The following TENM3 variants were observed in gnomAD, a reference collection of about 807,000 sequenced individuals.
The protein encoded by TENM3 is teneurin-3.
A neutral mutation model predicts 255.1 loss-of-function variants in TENM3; 63 were observed. The ratio of observed to expected loss-of-function variants is 0.25; its 90% CI spans 0.20 to 0.30. TENM3 has a LOEUF of 0.30. TENM3 is among the 10% of genes least tolerant of loss of function. The pLI, the probability that TENM3 is intolerant of heterozygous loss-of-function variation, is 1.00. For synonymous variants in TENM3, 1,306 were observed against 1,322.3 expected, an observed-to-expected ratio of 0.99 and a Z score of 0.27; for missense variants, 2,929 against 3,461.1, an observed-to-expected ratio of 0.85 and a Z score of 3.86.
intron 1 of TENM3, among the ~76,000 whole-genome samples, chr4:182,265,606 G>A (rs1192213780): frequency 6.6e-6 from 1 of 152,114 alleles, no homozygotes; most frequent in African/African-American, 2.4e-5. Context: ...AATGCATGCT[G>A]GCCCTGTTCC....
At chr4:182,580,405 T>C (rs1297636893) in intron 3 of TENM3, among the ~76,000 whole-genome samples, 1 of 152,148 alleles carries the variant, frequency 6.6e-6, no homozygotes, top group Non-Finnish European at 1.5e-5. Flanking sequence ...AAAAAATACC[T>C]CTTCATCGCT....
chr4:181,524,639 T>C, the TENM3 span, among the ~76,000 whole-genome samples: 2 of 152,216 alleles, frequency 1.3e-5, no homozygotes, highest in South Asian at 2.1e-4. Context: ...TCTTTGGAGA[T>C]ATAATCATCA....
At chr4:182,053,042 C>T in the TENM3 span, among the ~76,000 whole-genome samples, 1 of 152,124 alleles carries the variant, frequency 6.6e-6, no homozygotes, top group Admixed American at 6.5e-5. Context: ...TGGACCGAAA[C>T]TTCTGGTTTC....
At chr4:181,986,262 C>T in the TENM3 span, among the ~76,000 whole-genome samples, 1 of 151,984 alleles carries the variant, frequency 6.6e-6, no homozygotes, top group Non-Finnish European at 1.5e-5. Context: ...CATTTCTCCT[C>T]CTTCCTTTTT....
chr4:181,889,774 A>G, the TENM3 span, among the ~76,000 whole-genome samples: 1 of 152,182 alleles, frequency 6.6e-6, no homozygotes, highest in Admixed American at 6.5e-5. Context: ...AACATCCTCT[A>G]CTGCTGACGG....
chr4:181,987,133 C>T, the TENM3 span, among the ~76,000 whole-genome samples: 1 of 152,170 alleles, frequency 6.6e-6, no homozygotes, highest in East Asian at 1.9e-4. Flanking sequence ...CCTGTTTTAT[C>T]CCTGATCCCA....
the TENM3 span, among the ~76,000 whole-genome samples, chr4:181,847,504 C>A: frequency 4.6e-5 from 7 of 151,932 alleles, no homozygotes; most frequent in South Asian, 1.2e-3. Flanking sequence ...CCCTTAACAA[C>A]GAAAATTGTT....
At chr4:181,983,701 C>G in the TENM3 span, among the ~76,000 whole-genome samples, 1 of 152,104 alleles carries the variant, frequency 6.6e-6, no homozygotes, top group African/African-American at 2.4e-5. Context: ...ATGCAATCTA[C>G]TTCCATTTAT....
chr4:182,138,558 T>C, the TENM3 span, among the ~76,000 whole-genome samples: 1 of 152,114 alleles, frequency 6.6e-6, no homozygotes, highest in South Asian at 2.1e-4. Context: ...GTTTCCCCAA[T>C]ACCAGCTGAA....
intron 23 of TENM3, 46 bp downstream of exon 23, chr4:182,773,693 A>G (rs1764452257): frequency 1.3e-6 from 2 of 1,558,852 alleles, no homozygotes; most frequent in Non-Finnish European, 1.7e-6. Flanking sequence ...CAGCACCCAG[A>G]CAGAATGCGG....
chr4:182,208,731 A>G (rs566866943), intron 1 of TENM3, among the ~76,000 whole-genome samples: 2 of 152,196 alleles, frequency 1.3e-5, no homozygotes, highest in Non-Finnish European at 2.9e-5. Context: ...CTTTGCTCAA[A>G]GTGTGTTCTT....
rs141022861 is a variant in TENM3 at position 182,411,716 on chromosome 4, G to A, written c.511+64787G>A. Among the ~76,000 whole-genome samples the A allele has an allele frequency of 6.2e-4, 95 of 152,268 alleles. 2 individuals are homozygous for A. The East Asian group carries it at 0.016, about 26-fold the overall frequency. ...CACTCTGCAAGAGGAGATATTTTCCGTACTATGCGTTATTTTGACAGGTTG... is the reference window on the plus strand; with the variant it reads ...CACTCTGCAAGAGGAGATATTTTCCATACTATGCGTTATTTTGACAGGTTG... On this transcript the variant is annotated intron_variant, in intron 3 of 27. Transcript: ENST00000511685.
At chr4:182,171,390 T>C (rs2149695030) in intron 1 of TENM3, among the ~76,000 whole-genome samples, 1 of 152,336 alleles carries the variant, frequency 6.6e-6, no homozygotes, top group African/African-American at 2.4e-5. Flanking sequence ...TTTCTGTTTT[T>C]TTCTTGTATG....
At chr4:181,889,202 T>C in the TENM3 span, among the ~76,000 whole-genome samples, 2 of 152,082 alleles carry the variant, frequency 1.3e-5, no homozygotes, top group Admixed American at 1.3e-4. Flanking sequence ...ACAGGGCGGA[T>C]CCCTCATGAG....
the TENM3 span, among the ~76,000 whole-genome samples, chr4:181,822,749 C>G: frequency 2.6e-5 from 4 of 152,072 alleles, no homozygotes; most frequent in Admixed American, 2.6e-4. Context: ...AATGAATTTC[C>G]AAATATAAGG....
intron 3 of TENM3, among the ~76,000 whole-genome samples, chr4:182,396,351 C>CT (rs1353405395): frequency 1.3e-5 from 2 of 152,176 alleles, no homozygotes; most frequent in Non-Finnish European, 2.9e-5. Flanking sequence ...GTCCTGATGT[C>CT]TTCCACTTAC....
At chr4:181,698,343 A>G in the TENM3 span, among the ~76,000 whole-genome samples, 1 of 152,138 alleles carries the variant, frequency 6.6e-6, no homozygotes, top group South Asian at 2.1e-4. Flanking sequence ...GATTCCAAAG[A>G]TTTCTGATTC....
chr4:182,387,827 G>A (rs1200524812), intron 3 of TENM3, among the ~76,000 whole-genome samples: 1 of 151,800 alleles, frequency 6.6e-6, no homozygotes, highest in Non-Finnish European at 1.5e-5. Flanking sequence ...CACCTTAAGA[G>A]CTGTAACACT....
rs376371189 is a variant in TENM3, at chr4:182,564,820, C to A, written c.512-36104C>A. On this transcript the variant is annotated intron_variant, in intron 3 of 27. Coordinates refer to ENST00000511685, the MANE Select transcript of TENM3 (RefSeq NM_001080477.4). Reference sequence around the variant, plus strand: ...AACATCTGTTTCTCTCTTCTTTTAGCTTCACAGAAATGTCAAATATTTCTA... The same window carrying A: ...AACATCTGTTTCTCTCTTCTTTTAGATTCACAGAAATGTCAAATATTTCTA... Among the ~76,000 whole-genome samples, 8 of 152,284 alleles carry A rather than the reference C, an allele frequency of 5.3e-5. No individual in the cohort carries two copies. In the East Asian group the frequency reaches 1.5e-3, roughly 29 times the overall value.
Sources: gnomAD v4.1 joint callset for allele counts (sites outside exome capture counted in the v4.1 genomes callset) on GRCh38, gnomAD v4.1.1 for gene constraint, MANE v1.5 for transcripts, NCBI Gene and HGNC (gene_info 2026-07-23, HGNC 2026-07-21) for gene names.